Variants in CSNK1G2 observed in about 807,000 individuals in gnomAD.
CSNK1G2 encodes the protein casein kinase I isoform gamma-2.
In CSNK1G2, 11 loss-of-function variants were observed where a neutral mutation model predicts 48.0. That is an observed-to-expected ratio of 0.23 (90% CI 0.14 to 0.38). The LOEUF (loss-of-function observed/expected upper bound fraction) is 0.38, where lower values mean the gene tolerates loss of function less well. CSNK1G2 is among the 10% of genes least tolerant of loss of function. The probability of loss-of-function intolerance (pLI) is 1.00; values close to 1 mark genes in which losing one functional copy is unlikely to be tolerated. For synonymous variants in CSNK1G2, 337 were observed against 254.1 expected (o/e 1.33, Z -3.10); for missense variants, 446 against 595.5 (o/e 0.75, Z 2.61).
rs894762350 is a variant in CSNK1G2 at position 1,978,233 on chromosome 19, C to T, written c.188-72C>T. On this transcript the variant is annotated intron_variant, in intron 2 of 11. Transcript: ENST00000255641. This position sits in a 1 kb window ranked among gnomAD's most constrained non-coding sequence, Gnocchi z 7.3. Reference sequence around the variant, plus strand: ...AGGGACCCCCTCCTGCCTCCTGCCTCGGGGGTGGGCTGGGGAGGTCGGGGC... The same window carrying T: ...AGGGACCCCCTCCTGCCTCCTGCCTTGGGGGTGGGCTGGGGAGGTCGGGGC... The T allele has an allele frequency of 1.1e-5, 16 of 1,463,190 alleles. No individual in the cohort carries two copies. Among genetic ancestry groups the T allele is most frequent in the South Asian group, 5.7e-5 (5 of 87,598 alleles). 90.6% of individuals were successfully genotyped at this position (1,463,190 alleles called of 1,614,324 possible). A position where few individuals can be genotyped will look rare whatever the true frequency, so the allele number is the denominator to read the frequency against.
intron 1 of CSNK1G2, among the ~76,000 whole-genome samples, chr19:1,960,151 C>G (rs1269769808): frequency 6.6e-6 from 1 of 152,218 alleles, no homozygotes. Context: ...ATGTCTGCGT[C>G]AGCACAGGGG....
rs1401582985 is a variant in CSNK1G2 at position 1,957,172 on chromosome 19, C to T, written c.-265-12336C>T. ...CGGCTAGAAAGAAAAGCAACCTGGA[C>T]GCAGGCCCCACCTCCCTCCAGGCAG... On this transcript the variant is annotated intron_variant, in intron 1 of 11. Coordinates refer to ENST00000255641, the MANE Select transcript of CSNK1G2 (RefSeq NM_001319.7). This position sits in a 1 kb window ranked among gnomAD's most constrained non-coding sequence, Gnocchi z 5.4. 6.6e-6 allele frequency among the ~76,000 whole-genome samples: 1 copy of T among 152,200 alleles called. No homozygotes were observed. The highest frequency in any genetic ancestry group is 1.5e-5 in the Non-Finnish European group (1 of 68,036).
chr19:1,951,360 A>G lies in CSNK1G2; in HGVS notation c.-266+9942A>G, dbSNP rs927768254. ...GGAGCTTGCAGTGAGCCGAGATCGCACCACTGCACTCCAGCCTGGGCGACA... is the reference window on the plus strand; with the variant it reads ...GGAGCTTGCAGTGAGCCGAGATCGCGCCACTGCACTCCAGCCTGGGCGACA... On this transcript the variant is annotated intron_variant, in intron 1 of 11. Transcript: ENST00000255641. Among the ~76,000 whole-genome samples, 6 of 143,992 alleles carry G rather than the reference A, an allele frequency of 4.2e-5. 1 individual carries two copies. Among genetic ancestry groups the G allele is most frequent in the Admixed American group, 7.0e-5 (1 of 14,376 alleles). The allele number at this position is 143,992 out of a possible 152,430, so 94.5% of individuals were successfully genotyped here.
intron 2 of CSNK1G2, chr19:1,976,178 G>T: frequency 9.1e-7 from 1 of 1,100,754 alleles, no homozygotes; most frequent in Non-Finnish European, 1.2e-6. Context: ...GTTGTTTTAC[G>T]AGGAGAATTT....
intron 1 of CSNK1G2, among the ~76,000 whole-genome samples, chr19:1,944,593 T>C (rs1183344775): frequency 6.6e-6 from 1 of 152,026 alleles, no homozygotes. Flanking sequence ...TTCCCCATCC[T>C]CTCTGCTGGC....
chr19:1,960,563 G>A (rs994751333), intron 1 of CSNK1G2, among the ~76,000 whole-genome samples: 2 of 152,218 alleles, frequency 1.3e-5, no homozygotes, highest in Middle Eastern at 3.2e-3. Context: ...CTGTGTACAC[G>A]CATGTGGTTT....
intron 1 of CSNK1G2, among the ~76,000 whole-genome samples, chr19:1,951,780 A>G (rs1455436114): frequency 6.8e-6 from 1 of 146,322 alleles, no homozygotes; most frequent in Non-Finnish European, 1.5e-5. Flanking sequence ...TCCCGGGTTC[A>G]CACCATTCTC....
At chr19:1,966,962 C>A (rs2015383083) in intron 1 of CSNK1G2, among the ~76,000 whole-genome samples, 1 of 152,184 alleles carries the variant, frequency 6.6e-6, no homozygotes, top group Non-Finnish European at 1.5e-5. Context: ...CCTCCGCCTC[C>A]TGGGCTCAAA....
At chr19:1,960,377 G>A (rs1246967112) in intron 1 of CSNK1G2, among the ~76,000 whole-genome samples, 1 of 152,156 alleles carries the variant, frequency 6.6e-6, no homozygotes, top group Non-Finnish European at 1.5e-5. Flanking sequence ...GCTGCCTCTC[G>A]GGCAGCCTCC....
intron 1 of CSNK1G2, among the ~76,000 whole-genome samples, chr19:1,967,161 A>G (rs2145564503): frequency 6.6e-6 from 1 of 152,276 alleles, no homozygotes; most frequent in Non-Finnish European, 1.5e-5. Flanking sequence ...GCCGTGCGGA[A>G]CCCAAGGCCT....
intron 1 of CSNK1G2, among the ~76,000 whole-genome samples, chr19:1,943,814 A>C (rs1177736996): frequency 6.6e-6 from 1 of 151,824 alleles, no homozygotes; most frequent in African/African-American, 2.4e-5. Flanking sequence ...TCCTTTCTGC[A>C]CCCCCCACCG....
At chr19:1,979,711 G>C (rs200414359) in intron 9 of CSNK1G2, 41 bp from the exon 10 acceptor site, 6 of 1,602,626 alleles carry the variant, frequency 3.7e-6, no homozygotes, top group Non-Finnish European at 5.1e-6. Context: ...GATGGGAACC[G>C]GCGCTGCAGC....
At chr19:1,971,893 C>G (rs2015585827) in intron 2 of CSNK1G2, among the ~76,000 whole-genome samples, 1 of 152,194 alleles carries the variant, frequency 6.6e-6, no homozygotes, top group East Asian at 1.9e-4. Context: ...CCTCAGCCTC[C>G]CGAGTAGCTG....
At chr19:1,959,711 G>A (rs143924041) in intron 1 of CSNK1G2, among the ~76,000 whole-genome samples, 5 of 93,396 alleles carry the variant, frequency 5.4e-5, no homozygotes, top group African/African-American at 4.4e-4. Flanking sequence ...CACCTTTAGT[G>A]CCACCCTGAG....
chr19:1,971,713 G>T (rs1244645004), intron 2 of CSNK1G2, among the ~76,000 whole-genome samples: 1 of 151,866 alleles, frequency 6.6e-6, no homozygotes, highest in Non-Finnish European at 1.5e-5. Context: ...GTTGCAGGCT[G>T]CTGAATAGTG....
At chr19:1,973,608 T>A (rs2015651679) in intron 2 of CSNK1G2, among the ~76,000 whole-genome samples, 1 of 152,218 alleles carries the variant, frequency 6.6e-6, no homozygotes, top group South Asian at 2.1e-4. Flanking sequence ...GCCTCTGTGC[T>A]CTCCTGGTGT....
chr19:1,943,016 C>G (rs1352737304), intron 1 of CSNK1G2, among the ~76,000 whole-genome samples: 2 of 152,120 alleles, frequency 1.3e-5, no homozygotes, highest in African/African-American at 4.8e-5. Context: ...GAGAGCCGCT[C>G]CTGCACAGAC....
rs370005594 is a variant in CSNK1G2 at position 1,978,688 on chromosome 19, C to T, written c.385C>T (p.Leu129=). The T allele has an allele frequency of 6.2e-7, 1 of 1,605,384 alleles. No individual in the cohort carries two copies. The change falls in exon 5 of 12, where the codon CTG becomes TTG. Residue 129 remains leucine, a synonymous_variant. Coordinates refer to ENST00000255641, the MANE Select transcript of CSNK1G2 (RefSeq NM_001319.7). This position sits in a 1 kb window ranked among gnomAD's most constrained non-coding sequence, Gnocchi z 7.3. The part of the protein sequence containing the change: ...LELLGPSLED[L]FDLCDRTFTL... ...GCTGCTGGGGCCCAGCCTGGAGGAC[C>T]TGTTCGACCTGTGCGACCGGACCTT...
In CSNK1G2 at chr19:1,943,814, A is replaced by AC. The variant is rs572598596; in HGVS notation, c.-266+2402dup. Among the ~76,000 whole-genome samples the AC allele has an allele frequency of 4.6e-5, 7 of 151,942 alleles. No homozygotes were observed. In the South Asian group the frequency reaches 1.5e-3, roughly 32 times the overall value. On this transcript the variant is annotated intron_variant, in intron 1 of 11. Coordinates refer to ENST00000255641, the MANE Select transcript of CSNK1G2 (RefSeq NM_001319.7). ...GCGTTTGATGTTGCCTCCTTTCTGC[A>AC]CCCCCCACCGAGCTGCCCCAGGCCC... is the stretch of plus-strand genomic sequence containing the variant.
Sources: gnomAD v4.1 joint callset for allele counts (sites outside exome capture counted in the v4.1 genomes callset) on GRCh38, gnomAD v4.1.1 for gene constraint, Gnocchi (gnomAD v3.1) non-coding constraint, MANE v1.5 for transcripts, NCBI Gene and HGNC (gene_info 2026-07-23, HGNC 2026-07-21) for gene names.